The following HADHA variants were observed in gnomAD, a reference collection of about 807,000 sequenced individuals.
HADHA encodes hydroxyacyl-CoA dehydrogenase trifunctional multienzyme complex subunit alpha.
Under a neutral mutation model 91.3 loss-of-function variants are expected in HADHA, and 59 were observed. That is an observed-to-expected ratio of 0.65 (90% CI 0.52 to 0.80). The LOEUF (loss-of-function observed/expected upper bound fraction) is 0.80, where lower values mean the gene tolerates loss of function less well. Ranked by LOEUF, HADHA falls within the 30% of genes least tolerant of loss-of-function variation. HADHA has a pLI of 0.00. For synonymous variants in HADHA, 320 were observed against 338.9 expected (o/e 0.94, Z 0.61); for missense variants, 800 against 927.6 (o/e 0.86, Z 1.79).
At chr2:26,224,158 C>T (rs1670435844) in intron 7 of HADHA, among the ~76,000 whole-genome samples, 1 of 152,186 alleles carries the variant, frequency 6.6e-6, no homozygotes, top group Admixed American at 6.5e-5. Context: ...TGAGATGTCC[C>T]CCACTTGTAT....
At chr2:26,192,734 C>CAA (rs965732861) in intron 17 of HADHA, among the ~76,000 whole-genome samples, 1 of 148,528 alleles carries the variant, frequency 6.7e-6, no homozygotes, top group African/African-American at 2.5e-5. Flanking sequence ...GACTCTGTCT[C>CAA]AAAAAAAAAC....
intron 7 of HADHA, among the ~76,000 whole-genome samples, chr2:26,220,416 T>G (rs575802643): frequency 6.6e-6 from 1 of 152,224 alleles, no homozygotes; most frequent in East Asian, 1.9e-4. Flanking sequence ...AACACCACAA[T>G]CCTGGAGGGA....
chr2:26,243,864 G>A lies in HADHA; in HGVS notation c.67+666C>T, dbSNP rs76617655. ...ATCATCAGATTACAAATCGTTCTCA[G>A]AACGATCTAACATTTTATTGCTTAA... On this transcript the variant is annotated intron_variant, in intron 1 of 19. Transcript: ENST00000380649. 8.1e-3 allele frequency among the ~76,000 whole-genome samples: 1,239 copies of A among 152,312 alleles called. 16 individuals carry two copies. The highest frequency in any genetic ancestry group is 0.027 in the Middle Eastern group (8 of 294).
intron 6 of HADHA, 116 bp downstream of exon 6, chr2:26,232,044 C>T (rs1670636370): frequency 1.3e-6 from 1 of 763,070 alleles, no homozygotes; most frequent in Non-Finnish European, 2.4e-6. Context: ...TGATCCTGTA[C>T]ACTCATATTT....
intron 9 of HADHA, 144 bp from the exon 10 acceptor site, chr2:26,212,770 G>C: frequency 1.4e-6 from 1 of 724,934 alleles, no homozygotes; most frequent in Admixed American, 2.0e-5. Context: ...GAGGACTGAG[G>C]ATCTGGCTGC....
chr2:26,197,103 G>C (rs1669696759), intron 14 of HADHA, among the ~76,000 whole-genome samples: 1 of 152,218 alleles, frequency 6.6e-6, no homozygotes, highest in Admixed American at 6.5e-5. Flanking sequence ...CTGGTTAGCA[G>C]AGGCTAACTG....
intron 6 of HADHA, among the ~76,000 whole-genome samples, chr2:26,230,616 T>C (rs1490161491): frequency 6.6e-6 from 1 of 152,092 alleles, no homozygotes; most frequent in Non-Finnish European, 1.5e-5. Flanking sequence ...TTTTCTATCA[T>C]ATATATAATA....
At chr2:26,215,327 C>A in intron 7 of HADHA, 152 bp from the exon 8 acceptor site, 2 of 749,512 alleles carry the variant, frequency 2.7e-6, no homozygotes, top group Non-Finnish European at 4.8e-6. Flanking sequence ...ACCAAGAAGT[C>A]AAAGAAGGGA....
Position 26,194,643 on chromosome 2 carries a change from C to G in HADHA, c.1621-5G>C. ...AGTATAGAAGCCAGGTCCATCCTGC[C>G]AAGGAAGAGAACATGAGCTCCCTGG... On this transcript the variant is annotated splice_region_variant and splice_polypyrimidine_tract_variant and intron_variant, in intron 15 of 19. Transcript: ENST00000380649. 2 of 1,601,686 alleles carry G rather than the reference C, an allele frequency of 1.2e-6. No homozygotes were observed. The highest frequency in any genetic ancestry group is 1.7e-6 in the Non-Finnish European group (2 of 1,169,368).
rs199688741 is a variant in HADHA at position 26,215,109 on chromosome 2, G to A, written c.743C>T (p.Ala248Val). ...GATCTTCTTATCAGCTAGTCCTTTG[G>A]CAAAAGTAATTGCAACTTCTTCTAG... ...EYLEEVAITFAKGLADKKISP... is the reference protein window; with the variant it reads ...EYLEEVAITFVKGLADKKISP... Residue 248 changes from alanine (A) to valine (V), a missense_variant, in exon 8 of 20, where the codon GCC becomes GTC. Transcript: ENST00000380649. 8 of 1,607,580 alleles carry A rather than the reference G, an allele frequency of 5.0e-6. No individual in the cohort carries two copies. Among genetic ancestry groups the A allele is most frequent in the African/African-American group, 1.3e-5 (1 of 74,720 alleles).
At position 26,215,122 on chromosome 2, in the gene HADHA, C is replaced by A; in HGVS notation, c.730G>T (p.Ala244Ser). The A allele has an allele frequency of 1.2e-6, 2 of 1,608,472 alleles. No individual in the cohort carries two copies. Among genetic ancestry groups the A allele is most frequent in the Non-Finnish European group, 1.7e-6 (2 of 1,174,924 alleles). Residue 244 changes from alanine (A) to serine (S), a missense_variant, in exon 8 of 20, where the codon GCA becomes TCA. Coordinates refer to ENST00000380649, the MANE Select transcript of HADHA (RefSeq NM_000182.5). ...GCTAGTCCTTTGGCAAAAGTAATTG[C>A]AACTTCTTCTAGGTATTCTATTGTC... ...ERTIEYLEEVAITFAKGLADK... is the reference protein window; with the variant it reads ...ERTIEYLEEVSITFAKGLADK...
At position 26,234,314 on chromosome 2, in the gene HADHA, A is replaced by C; in HGVS notation, c.356T>G (p.Leu119Arg). ...AACTATTCTCTGTGCTTCTTGTGAT[A>C]GCTGTGTTACTTCTTGAAGGGTCTT... is the stretch of plus-strand genomic sequence containing the variant. ...ACKTLQEVTQ[L>R]SQEAQRIVEK... Residue 119 changes from leucine (L) to arginine (R), a missense_variant, in exon 5 of 20, where the codon CTA becomes CGA. Transcript: ENST00000380649. 6.2e-7 allele frequency: 1 copy of C among 1,613,186 alleles called. No homozygotes were observed. The highest frequency in any genetic ancestry group is 8.5e-7 in the Non-Finnish European group (1 of 1,179,092).
At position 26,229,204 on chromosome 2, in the gene HADHA, A is replaced by C. The variant is rs1049526373; in HGVS notation, c.676+988T>G. 6.6e-6 allele frequency among the ~76,000 whole-genome samples: 1 copy of C among 151,924 alleles called. No individual in the cohort carries two copies. Among genetic ancestry groups the C allele is most frequent in the African/African-American group, 2.4e-5 (1 of 41,346 alleles). On this transcript the variant is annotated intron_variant, in intron 7 of 19. Coordinates refer to ENST00000380649, the MANE Select transcript of HADHA (RefSeq NM_000182.5). This position sits in a 1 kb window ranked among gnomAD's most constrained non-coding sequence, Gnocchi z 4.3. ...AAAATAAAAAATTAGCTGGTGTAGC[A>C]GCGTATGCCTGTGGTCTCAGCTACT...
intron 3 of HADHA, 87 bp downstream of exon 3, chr2:26,238,847 T>G: frequency 1.2e-6 from 1 of 854,200 alleles, no homozygotes; most frequent in East Asian, 2.4e-5. Context: ...ATTGGTAGAT[T>G]TGGGGAAATA....
At chr2:26,240,152 T>C (rs1449261019) in intron 1 of HADHA, among the ~76,000 whole-genome samples, 1 of 152,256 alleles carries the variant, frequency 6.6e-6, no homozygotes, top group Non-Finnish European at 1.5e-5. Flanking sequence ...TATTATTTAA[T>C]GTTCTGTCCT....
intron 1 of HADHA, among the ~76,000 whole-genome samples, chr2:26,244,014 T>C (rs1043176828): frequency 1.3e-5 from 2 of 152,210 alleles, no homozygotes; most frequent in African/African-American, 4.8e-5. Flanking sequence ...GCTCCCTACT[T>C]GATTGGGGTA....
intron 5 of HADHA, among the ~76,000 whole-genome samples, 188 bp from the exon 6 acceptor site, chr2:26,232,467 A>G (rs906985671): frequency 3.3e-5 from 5 of 152,030 alleles, no homozygotes; most frequent in Non-Finnish European, 7.4e-5. Flanking sequence ...CTTTTCCTCT[A>G]ATTTACTAAC....
At chr2:26,195,833 C>T (rs1331798839) in intron 14 of HADHA, among the ~76,000 whole-genome samples, 1 of 152,188 alleles carries the variant, frequency 6.6e-6, no homozygotes, top group Non-Finnish European at 1.5e-5. Context: ...CCCAGCCCTA[C>T]TGAATCAGAA....
intron 16 of HADHA, among the ~76,000 whole-genome samples, chr2:26,194,072 G>A (rs1456312432): frequency 2.0e-5 from 3 of 152,152 alleles, no homozygotes; most frequent in African/African-American, 2.4e-5. Flanking sequence ...CATGACAGAC[G>A]GCTGAGTGTG....
Sources: gnomAD v4.1 joint callset for allele counts (sites outside exome capture counted in the v4.1 genomes callset) on GRCh38, gnomAD v4.1.1 for gene constraint, Gnocchi (gnomAD v3.1) non-coding constraint, MANE v1.5 for transcripts, NCBI Gene and HGNC (gene_info 2026-07-23, HGNC 2026-07-21) for gene names.